The following RNF38 variants were observed in gnomAD, a reference collection of about 807,000 sequenced individuals.
RNF38 encodes E3 ubiquitin-protein ligase RNF38.
A neutral mutation model predicts 67.2 loss-of-function variants in RNF38; 15 were observed. The ratio of observed to expected loss-of-function variants is 0.22; its 90% CI spans 0.15 to 0.34. The LOEUF (loss-of-function observed/expected upper bound fraction) is 0.34, where lower values mean the gene tolerates loss of function less well. Among genes scored for constraint, RNF38 ranks in the 10% least tolerant of loss-of-function variants. RNF38 has a pLI of 1.00. For missense variants in RNF38, 524 were observed against 639.9 expected (o/e 0.82, Z 1.95); for synonymous variants, 220 against 218.8 (o/e 1.01, Z -0.05).
intron 7 of RNF38, among the ~76,000 whole-genome samples, 154 bp downstream of exon 7, chr9:36,353,016 C>T (rs1833817065): frequency 6.6e-6 from 1 of 152,178 alleles, no homozygotes; most frequent in Non-Finnish European, 1.5e-5. Flanking sequence ...CCATTTTAAA[C>T]CATACACTCA....
At chr9:36,377,674 T>A (rs1220266304) in intron 2 of RNF38, among the ~76,000 whole-genome samples, 2 of 152,302 alleles carry the variant, frequency 1.3e-5, no homozygotes, top group East Asian at 3.9e-4. Flanking sequence ...CACTCCCCCA[T>A]ACCAAAATCT....
intron 4 of RNF38, among the ~76,000 whole-genome samples, chr9:36,369,295 C>T (rs559731945): frequency 2.0e-5 from 3 of 152,214 alleles, no homozygotes; most frequent in South Asian, 4.1e-4. Flanking sequence ...TGCAGTGGTG[C>T]GATCTTGACT....
chr9:36,377,952 TAC>T (rs1835904004), intron 2 of RNF38, among the ~76,000 whole-genome samples: 1 of 152,130 alleles, frequency 6.6e-6, no homozygotes, highest in Non-Finnish European at 1.5e-5. Context: ...CTAGTAAAAG[TAC>T]AGTTATTTTC....
At chr9:36,382,451 G>A (rs1328218712) in intron 2 of RNF38, among the ~76,000 whole-genome samples, 1 of 152,032 alleles carries the variant, frequency 6.6e-6, no homozygotes, top group Non-Finnish European at 1.5e-5. Flanking sequence ...ACCTGAGGCA[G>A]GCATAAGAAT....
chr9:36,428,867 GCCCCTAGCT>G (rs1202921598), intron 1 of RNF38, among the ~76,000 whole-genome samples: 1 of 152,066 alleles, frequency 6.6e-6, no homozygotes, highest in Non-Finnish European at 1.5e-5. Flanking sequence ...AGCAAGCAAG[GCCCCTAGCT>G]CCATGGAGCT....
chr9:36,465,176 G>A (rs1371822804), intron 1 of RNF38, among the ~76,000 whole-genome samples: 1 of 152,184 alleles, frequency 6.6e-6, no homozygotes, highest in Non-Finnish European at 1.5e-5. Flanking sequence ...ATAAAATGGT[G>A]TAACAACCTT....
intron 1 of RNF38, among the ~76,000 whole-genome samples, chr9:36,484,962 C>T (rs534120809): frequency 2.8e-4 from 43 of 152,078 alleles, no homozygotes; most frequent in South Asian, 1.0e-3. Context: ...GTCAGGAGAT[C>T]GAGACCATCC....
chr9:36,397,931 C>A (rs1407924080), intron 1 of RNF38, among the ~76,000 whole-genome samples: 1 of 152,034 alleles, frequency 6.6e-6, no homozygotes, highest in East Asian at 1.9e-4. Flanking sequence ...AAAGTCCAAA[C>A]CAATAAAAAA....
intron 1 of RNF38, among the ~76,000 whole-genome samples, chr9:36,391,911 C>T (rs989280351): frequency 5.9e-5 from 9 of 152,098 alleles, no homozygotes; most frequent in Non-Finnish European, 1.5e-5. Context: ...CTGCGCCCGG[C>T]CCGTTTCCTA....
intron 1 of RNF38, among the ~76,000 whole-genome samples, chr9:36,459,157 G>A (rs547799007): frequency 1.7e-4 from 25 of 148,824 alleles, no homozygotes; most frequent in Middle Eastern, 3.5e-3. Context: ...GCAGTGAGCC[G>A]AGATCACACC....
chr9:36,482,709 A>T (rs1840304254), intron 1 of RNF38, among the ~76,000 whole-genome samples: 1 of 152,142 alleles, frequency 6.6e-6, no homozygotes, highest in African/African-American at 2.4e-5. Context: ...CCTCATAACA[A>T]AGTTTACTAT....
intron 10 of RNF38, among the ~76,000 whole-genome samples, chr9:36,342,673 A>T (rs4878652): frequency 0.94 from 143,293 of 151,814 alleles, 68,138 homozygotes; most frequent in East Asian, 1. Context: ...TATACTATTT[A>T]AAAAAAAATG....
intron 5 of RNF38, among the ~76,000 whole-genome samples, 167 bp from the exon 6 acceptor site, chr9:36,356,640 A>G (rs913440612): frequency 5.9e-5 from 9 of 151,870 alleles, no homozygotes; most frequent in Non-Finnish European, 1.3e-4. Flanking sequence ...TTAATCTACT[A>G]GTAAAGTAAT....
chr9:36,381,756 T>C (rs1368232652), intron 2 of RNF38, among the ~76,000 whole-genome samples: 2 of 152,254 alleles, frequency 1.3e-5, no homozygotes, highest in Non-Finnish European at 2.9e-5. Context: ...ATGTATACTT[T>C]CCATGTATTG....
At chr9:36,405,509 C>A (rs1838156968), upstream of RNF38, among the ~76,000 whole-genome samples, 3 of 152,028 alleles carry the variant, frequency 2.0e-5, no homozygotes, top group Admixed American at 2.0e-4. Context: ...TTATAATGTC[C>A]CTATCAAGTT....
At chr9:36,438,324 G>A (rs1294059849) in intron 1 of RNF38, among the ~76,000 whole-genome samples, 3 of 151,990 alleles carry the variant, frequency 2.0e-5, no homozygotes, top group Non-Finnish European at 2.9e-5. Flanking sequence ...TGTCCAACCC[G>A]TGACCCATGG....
chr9:36,374,482 A>T (rs986302839), intron 3 of RNF38, among the ~76,000 whole-genome samples: 2 of 152,084 alleles, frequency 1.3e-5, no homozygotes, highest in Non-Finnish European at 2.9e-5. Flanking sequence ...GAGTTCCCCG[A>T]CATCTCTTTT....
intron 6 of RNF38, among the ~76,000 whole-genome samples, chr9:36,354,337 G>A (rs1245958284): frequency 6.6e-6 from 1 of 152,130 alleles, no homozygotes; most frequent in East Asian, 1.9e-4. Context: ...GGGCTAGGGC[G>A]CCCGCCACCA....
At chr9:36,476,236 C>T (rs80229401) in intron 1 of RNF38, among the ~76,000 whole-genome samples, 7,618 of 151,820 alleles carry the variant, frequency 0.05, 594 homozygotes, top group African/African-American at 0.17. Context: ...ATGAGTCTCC[C>T]GTCTCCCCCA....
Sources: gnomAD v4.1 joint callset for allele counts (sites outside exome capture counted in the v4.1 genomes callset) on GRCh38, gnomAD v4.1.1 for gene constraint, MANE v1.5 for transcripts, NCBI Gene and HGNC (gene_info 2026-07-23, HGNC 2026-07-21) for gene names.